The following RTN4RL2 variants were observed in gnomAD, a reference collection of about 807,000 sequenced individuals.
The protein encoded by RTN4RL2 is reticulon-4 receptor-like 2.
A neutral mutation model predicts 27.8 loss-of-function variants in RTN4RL2; 9 were observed. That is an observed-to-expected ratio of 0.32 (90% CI 0.20 to 0.57). RTN4RL2 has a LOEUF of 0.57. RTN4RL2 is among the 20% of genes least tolerant of loss of function. RTN4RL2 has a pLI of 0.90. For synonymous variants in RTN4RL2, 285 were observed against 297.9 expected (o/e 0.96, Z 0.45); for missense variants, 436 against 596.8 (o/e 0.73, Z 2.81).
intron 2 of RTN4RL2, among the ~76,000 whole-genome samples, chr11:57,474,799 G>A (rs1331382437): frequency 6.6e-6 from 1 of 152,174 alleles, no homozygotes; most frequent in African/African-American, 2.4e-5. Context: ...AATCCCCACT[G>A]GCCGTGGGCC....
Position 57,476,390 on chromosome 11 carries a change from G to T in RTN4RL2, c.742G>T (p.Ala248Ser). 2 of 1,605,560 alleles carry T rather than the reference G, an allele frequency of 1.2e-6. No homozygotes were observed. The highest frequency in any genetic ancestry group is 1.7e-6 in the Non-Finnish European group (2 of 1,178,912). Residue 248 changes from alanine to serine, a missense_variant, in exon 3 of 3, where the codon GCC becomes TCC. Ala to Ser is a moderately conservative substitution (Grantham distance 99). Coordinates refer to ENST00000335099, the MANE Select transcript of RTN4RL2 (RefSeq NM_178570.3). The surrounding 1 kb of genome is among the most constrained non-coding windows in gnomAD (Gnocchi z 8.2). ...SLASLPGEAL[A>S]DLPSLEFLRL... Reference sequence around the variant, plus strand: ...GGCCTCGCTGCCCGGCGAGGCGCTCGCCGACCTGCCCTCGCTCGAGTTCCT... The same window carrying T: ...GGCCTCGCTGCCCGGCGAGGCGCTCTCCGACCTGCCCTCGCTCGAGTTCCT...
rs774273652 is a variant in RTN4RL2 at position 57,467,705 on chromosome 11, C to G, written c.128C>G (p.Thr43Ser). Residue 43 changes from threonine to serine, a missense_variant, in exon 2 of 3, where the codon ACC becomes AGC. By Grantham distance (58) the Thr-to-Ser change is moderately conservative. Coordinates refer to ENST00000335099, the MANE Select transcript of RTN4RL2 (RefSeq NM_178570.3). This position sits in a 1 kb window ranked among gnomAD's most constrained non-coding sequence, Gnocchi z 5.5. Reference protein sequence around the residue: ...MLCTCYSSPPTVSCQANNFSS... With the variant: ...MLCTCYSSPPSVSCQANNFSS... ...TGCACCTGCTACTCATCCCCGCCCA[C>G]CGTGAGCTGCCAGGCCAACAACTTC... 6.2e-7 allele frequency: 1 copy of G among 1,612,538 alleles called. No homozygotes were observed. Among genetic ancestry groups the G allele is most frequent in the Admixed American group, 1.7e-5 (1 of 60,024 alleles).
chr11:57,477,105 C>T lies in RTN4RL2; in HGVS notation c.*194C>T, dbSNP rs187365272. 57 of 522,322 alleles carry T rather than the reference C, an allele frequency of 1.1e-4. No homozygotes were observed. Among genetic ancestry groups the T allele is most frequent in the African/African-American group, 9.9e-4 (49 of 49,678 alleles). The allele number at this position is 522,322 out of a possible 1,614,324, so 32.4% of individuals were successfully genotyped here. On this transcript the variant is annotated 3_prime_UTR_variant, in exon 3 of 3. Transcript: ENST00000335099. ...GGGCTGTCCTGACTTGTGGCAGCCCCAAGAGGGCGTGTGTGGTGGCTCAGC... is the reference window on the plus strand; with the variant it reads ...GGGCTGTCCTGACTTGTGGCAGCCCTAAGAGGGCGTGTGTGGTGGCTCAGC...
chr11:57,468,990 C>T, intron 2 of RTN4RL2: 1 of 655,696 alleles, frequency 1.5e-6, no homozygotes, highest in South Asian at 1.7e-5. Context: ...CTTCCCTTGG[C>T]TACAGAGCCT....
chr11:57,462,170 GTT>G (rs1221011984), intron 1 of RTN4RL2, among the ~76,000 whole-genome samples: 9 of 152,098 alleles, frequency 5.9e-5, no homozygotes, highest in Non-Finnish European at 1.2e-4. Context: ...CGGCCTGGAC[GTT>G]GGATTCTGCA....
In RTN4RL2 at chr11:57,460,808, A is replaced by C. The variant is rs958973980; in HGVS notation, c.-58A>C. 49 of 1,096,942 alleles carry C rather than the reference A, an allele frequency of 4.5e-5. No homozygotes were observed. In the Middle Eastern group the frequency reaches 1.6e-3, roughly 35 times the overall value. The allele number at this position is 1,096,942 out of a possible 1,614,324, so 68.0% of individuals were successfully genotyped here. On this transcript the variant is annotated 5_prime_UTR_variant, in exon 1 of 3. Coordinates refer to ENST00000335099, the MANE Select transcript of RTN4RL2 (RefSeq NM_178570.3). ...TCCCCGCCGTGCATCCGGCGGGCTCAGGGAGCGAGTGGGAGCGCCCTCCCC... is the reference window on the plus strand; with the variant it reads ...TCCCCGCCGTGCATCCGGCGGGCTCCGGGAGCGAGTGGGAGCGCCCTCCCC...
rs761069733 is a variant in RTN4RL2 at position 57,468,057 on chromosome 11, C to T, written c.480C>T (p.Leu160=). The change falls in exon 2 of 3, where the codon CTC becomes CTT. Residue 160 remains leucine, a synonymous_variant. Coordinates refer to ENST00000335099, the MANE Select transcript of RTN4RL2 (RefSeq NM_178570.3). ...GAGGCCTGGTCAGCCTGCAGTACCT[C>T]TACCTCCAGGAGAACAGCCTGCTCC... is the stretch of plus-strand genomic sequence containing the variant. ...IFRGLVSLQY[L]YLQENSLLHL... The T allele has an allele frequency of 1.4e-5, 23 of 1,598,456 alleles. No homozygotes were observed. Among genetic ancestry groups the T allele is most frequent in the Non-Finnish European group, 2.0e-5 (23 of 1,179,056 alleles).
chr11:57,461,419 G>T (rs1312620693), intron 1 of RTN4RL2, among the ~76,000 whole-genome samples: 1 of 148,616 alleles, frequency 6.7e-6, no homozygotes, highest in Non-Finnish European at 1.5e-5. Flanking sequence ...ACAGATAAGG[G>T]TGTGGGCCAG....
intron 2 of RTN4RL2, chr11:57,468,498 G>A: frequency 7.1e-7 from 1 of 1,415,742 alleles, no homozygotes; most frequent in Non-Finnish European, 9.6e-7. Context: ...CTGTCTGCGT[G>A]TGTGTATCTG....
At chr11:57,461,466 G>C (rs1457064671) in intron 1 of RTN4RL2, among the ~76,000 whole-genome samples, 2 of 151,578 alleles carry the variant, frequency 1.3e-5, no homozygotes, top group African/African-American at 4.9e-5. Context: ...CAGGGGGAGA[G>C]GGATAGGAAG....
chr11:57,471,633 G>A (rs1943562958), intron 2 of RTN4RL2, among the ~76,000 whole-genome samples: 1 of 152,244 alleles, frequency 6.6e-6, no homozygotes, highest in Non-Finnish European at 1.5e-5. Flanking sequence ...CCCCAAAGGG[G>A]AGCTTTGGAG....
chr11:57,471,369 G>A (rs1420395745), intron 2 of RTN4RL2, among the ~76,000 whole-genome samples: 2 of 152,212 alleles, frequency 1.3e-5, no homozygotes, highest in African/African-American at 2.4e-5. Flanking sequence ...GGGCAGAGGG[G>A]ACCTCAGGTG....
rs1023425612 is a variant in RTN4RL2 at position 57,476,275 on chromosome 11, G to T, written c.627G>T (p.Leu209=). The T allele has an allele frequency of 5.6e-6, 9 of 1,612,330 alleles. No homozygotes were observed. Among genetic ancestry groups the T allele is most frequent in the Non-Finnish European group, 7.6e-6 (9 of 1,179,522 alleles). Reference sequence around the variant, plus strand: ...GCCTGGGCAGCCTGGACCGGCTGCTGCTGCACGGGAACCGGCTGCAGGGCG... The same window carrying T: ...GCCTGGGCAGCCTGGACCGGCTGCTTCTGCACGGGAACCGGCTGCAGGGCG... ...FRGLGSLDRL[L]LHGNRLQGVH... The change falls in exon 3 of 3, where the codon CTG becomes CTT. Residue 209 remains leucine, a synonymous_variant. Coordinates refer to ENST00000335099, the MANE Select transcript of RTN4RL2 (RefSeq NM_178570.3). This position sits in a 1 kb window ranked among gnomAD's most constrained non-coding sequence, Gnocchi z 8.2.
intron 2 of RTN4RL2, among the ~76,000 whole-genome samples, chr11:57,469,624 T>G (rs996067898): frequency 2.0e-5 from 3 of 152,250 alleles, no homozygotes; most frequent in African/African-American, 7.2e-5. Flanking sequence ...AAATACTATT[T>G]TAAAAAAAGA....
Position 57,477,217 on chromosome 11 carries a change from A to C in RTN4RL2, c.*306A>C. ...CAGGCAGCCGCTGACCCGCACTCCT[A>C]AGGGCCCACAGCGGACACCAGAGGG... On this transcript the variant is annotated 3_prime_UTR_variant, in exon 3 of 3. Coordinates refer to ENST00000335099, the MANE Select transcript of RTN4RL2 (RefSeq NM_178570.3). 1.8e-5 allele frequency: 6 copies of C among 326,304 alleles called. No individual in the cohort carries two copies. The highest frequency in any genetic ancestry group is 5.1e-5 in the East Asian group (1 of 19,504). 20.2% of individuals were successfully genotyped at this position (326,304 alleles called of 1,614,324 possible).
At chr11:57,466,638 C>T (rs921145237) in intron 1 of RTN4RL2, among the ~76,000 whole-genome samples, 1 of 152,178 alleles carries the variant, frequency 6.6e-6, no homozygotes, top group Non-Finnish European at 1.5e-5. Context: ...CACAAAGAGG[C>T]TCTGACTCTG....
Position 57,472,124 on chromosome 11 carries a change from GT to G in RTN4RL2, c.513+4036del, listed in dbSNP as rs1943565832. Among the ~76,000 whole-genome samples, 4 of 151,998 alleles carry G rather than the reference GT, an allele frequency of 2.6e-5. No individual in the cohort carries two copies. The South Asian group carries it at 8.3e-4, about 31-fold the overall frequency. On this transcript the variant is annotated intron_variant, in intron 2 of 2. Transcript: ENST00000335099. ...TCTGCCCACCTTGGCCTCCCAAAGT[GT>G]TGGATTACAGGTGTGAGCCACCGCA... is the stretch of plus-strand genomic sequence containing the variant.
intron 2 of RTN4RL2, among the ~76,000 whole-genome samples, chr11:57,471,925 C>T (rs558369950): frequency 6.6e-6 from 1 of 152,138 alleles, no homozygotes; most frequent in South Asian, 2.1e-4. Context: ...GTGGCACGAT[C>T]TCGGCTCACT....
In RTN4RL2 at chr11:57,467,809, G is replaced by A. The variant is rs752794325; in HGVS notation, c.232G>A (p.Gly78Ser). The change falls in exon 2 of 3, where the codon GGC (glycine) becomes AGC (serine). Residue 78 changes from glycine (G) to serine (S), a missense_variant. Physicochemically the swap from Gly to Ser is moderately conservative, Grantham distance 56 (BLOSUM62 0). Around this residue, in one of 3 missense-constraint regions of RTN4RL2, gnomAD observed 365 missense variants for 530.5 expected, o/e 0.69. Transcript: ENST00000335099. This position sits in a 1 kb window ranked among gnomAD's most constrained non-coding sequence, Gnocchi z 5.5. ...QNNLIRTLRP[G>S]TFGSNLLTLW... is the part of the protein sequence containing the mutation. ...CAACCTCATCCGCACGCTGCGGCCA[G>A]GCACCTTTGGGTCCAACCTGCTCAC... The A allele has an allele frequency of 6.2e-7, 1 of 1,614,136 alleles. No homozygotes were observed. The highest frequency in any genetic ancestry group is 8.5e-7 in the Non-Finnish European group (1 of 1,180,032).
Sources: allele counts gnomAD v4.1 joint callset (sites outside exome capture counted in the v4.1 genomes callset), GRCh38; gene constraint gnomAD v4.1.1; regional missense constraint gnomAD v4.1.1; non-coding constraint Gnocchi (gnomAD v3.1); transcripts MANE v1.5; gene names NCBI Gene and HGNC (gene_info 2026-07-23, HGNC 2026-07-21).